C3orf20: variants seen among roughly 807,000 people sequenced by gnomAD.
C3orf20 encodes family with sequence similarity 149 member C.
A neutral mutation model predicts 88.3 loss-of-function variants in C3orf20; 76 were observed. The observed-to-expected ratio is 0.86, with a 90% CI of 0.72 to 1.04. The LOEUF is 1.04. C3orf20 is among the 50% of genes least tolerant of loss of function. C3orf20 has a pLI of 0.00. For synonymous variants in C3orf20, 436 were observed against 437.4 expected, an observed-to-expected ratio of 1.00 and a Z score of 0.04; for missense variants, 1,056 against 1,123.3, an observed-to-expected ratio of 0.94 and a Z score of 0.86.
chr3:14,760,011 GGACT>G lies in C3orf20; in HGVS notation c.2352+14_2352+17del. On this transcript the variant is annotated intron_variant, in intron 14 of 16. Coordinates refer to ENST00000253697, the MANE Select transcript of C3orf20 (RefSeq NM_032137.5). ...GGGGATGATTCTGGTGAGCCAGCAG[GGACT>G]TGCTATCCACTGCCTGCCACCCCAG... 1 of 1,601,542 alleles carries G rather than the reference GGACT, an allele frequency of 6.2e-7. No individual in the cohort carries two copies. Among genetic ancestry groups the G allele is most frequent in the Non-Finnish European group, 8.6e-7 (1 of 1,168,704 alleles).
chr3:14,679,248 G>C (rs1168814169), intron 1 of C3orf20, among the ~76,000 whole-genome samples: 1 of 152,124 alleles, frequency 6.6e-6, no homozygotes, highest in African/African-American at 2.4e-5. Flanking sequence ...AGTCTGCTCT[G>C]CCTGTTCATT....
At chr3:14,703,007 C>CA in intron 5 of C3orf20, 123 bp from the exon 6 acceptor site, 1 of 1,226,352 alleles carries the variant, frequency 8.2e-7, no homozygotes, top group Non-Finnish European at 1.1e-6. Flanking sequence ...TCCAGCGGGA[C>CA]AAATTTTAAA....
chr3:14,677,009 A>G (rs2031807991), intron 1 of C3orf20, among the ~76,000 whole-genome samples: 1 of 152,092 alleles, frequency 6.6e-6, no homozygotes, highest in African/African-American at 2.4e-5. Context: ...GTCCACCTCC[A>G]TTTCTTTTAT....
In C3orf20 at chr3:14,728,500, GA is replaced by G; in HGVS notation, c.1753del (p.Arg585AspfsTer12). 1 of 1,614,202 alleles carries G rather than the reference GA, an allele frequency of 6.2e-7. No homozygotes were observed. Among genetic ancestry groups the G allele is most frequent in the Non-Finnish European group, 8.5e-7 (1 of 1,180,020 alleles). Reference sequence around the variant, plus strand: ...AGGAAGAATTTGTTCGGTTCAAGATGAGATCCAGAACTCATCCCGAGCGGCT... The same window carrying G: ...AGGAAGAATTTGTTCGGTTCAAGATGGATCCAGAACTCATCCCGAGCGGCT... ...EEEEFVRFKM[R>X]SRTHPERLPK... is the part of the protein sequence containing the mutation. On this transcript the variant is annotated frameshift_variant, in exon 12 of 17. Coordinates refer to ENST00000253697, the MANE Select transcript of C3orf20 (RefSeq NM_032137.5). LOFTEE classifies it high-confidence loss of function.
intron 15 of C3orf20, among the ~76,000 whole-genome samples, chr3:14,767,726 CA>C (rs1170115056): frequency 2.0e-5 from 3 of 152,250 alleles, no homozygotes; most frequent in African/African-American, 7.2e-5. Context: ...CCCAAAATCA[CA>C]AAGGGCTTTG....
intron 3 of C3orf20, 78 bp from the exon 4 acceptor site, chr3:14,684,164 C>A: frequency 6.4e-7 from 1 of 1,568,664 alleles, no homozygotes; most frequent in Non-Finnish European, 8.7e-7. Flanking sequence ...CTTTCCTGGG[C>A]CATTTACAGA....
At chr3:14,683,769 A>G (rs1164738227) in intron 3 of C3orf20, among the ~76,000 whole-genome samples, 1 of 151,748 alleles carries the variant, frequency 6.6e-6, no homozygotes, top group Non-Finnish European at 1.5e-5. Context: ...CCAGCTACGC[A>G]GAAGGCCAAG....
intron 1 of C3orf20, among the ~76,000 whole-genome samples, chr3:14,677,446 G>T (rs192069519): frequency 4.9e-4 from 75 of 152,206 alleles, no homozygotes; most frequent in African/African-American, 1.8e-3. Context: ...TGCTGGGTCT[G>T]TGCCTTTTTA....
intron 15 of C3orf20, among the ~76,000 whole-genome samples, chr3:14,770,195 A>G (rs1230171341): frequency 1.3e-5 from 2 of 152,168 alleles, no homozygotes; most frequent in Non-Finnish European, 2.9e-5. Flanking sequence ...AAAGGGCCTC[A>G]GGCAGGCCTC....
rs756786895 is a variant in C3orf20 at position 14,682,886 on chromosome 3, C to G, written c.173C>G (p.Pro58Arg). 12 of 1,614,222 alleles carry G rather than the reference C, an allele frequency of 7.4e-6. No homozygotes were observed. In the South Asian group the frequency reaches 1.2e-4, roughly 16 times the overall value. Residue 58 changes from proline (P) to arginine (R), a missense_variant, in exon 3 of 17, where the codon CCT becomes CGT. Physicochemically the swap from Pro to Arg is moderately radical, Grantham distance 103 (BLOSUM62 -2). Coordinates refer to ENST00000253697, the MANE Select transcript of C3orf20 (RefSeq NM_032137.5). Reference sequence around the variant, plus strand: ...ACTTGGGAAGAGCTCATCAGTGACCCTTCAGTGCCTACCCCGTCCGACATC... The same window carrying G: ...ACTTGGGAAGAGCTCATCAGTGACCGTTCAGTGCCTACCCCGTCCGACATC... The part of the protein sequence containing the change: ...EFTWEELISD[P>R]SVPTPSDILG...
intron 12 of C3orf20, 59 bp downstream of exon 12, chr3:14,728,747 A>G: frequency 1.3e-6 from 2 of 1,570,750 alleles, no homozygotes; most frequent in Admixed American, 1.8e-5. Flanking sequence ...CAGTGGGCAC[A>G]GGATAGTGAA....
At chr3:14,730,526 G>A (rs1267883203) in intron 12 of C3orf20, among the ~76,000 whole-genome samples, 2 of 152,010 alleles carry the variant, frequency 1.3e-5, no homozygotes, top group South Asian at 2.1e-4. Context: ...CAGCCTGGGT[G>A]ACAGAGCGAG....
At chr3:14,702,403 T>C (rs2033308218) in intron 5 of C3orf20, among the ~76,000 whole-genome samples, 1 of 151,282 alleles carries the variant, frequency 6.6e-6, no homozygotes, top group Non-Finnish European at 1.5e-5. Flanking sequence ...CATATCATTC[T>C]GCCCCTGGCT....
intron 12 of C3orf20, among the ~76,000 whole-genome samples, chr3:14,742,398 A>T (rs1406473529): frequency 6.6e-6 from 1 of 152,182 alleles, no homozygotes; most frequent in Non-Finnish European, 1.5e-5. Flanking sequence ...GTACATTGGG[A>T]TGTATGTGAG....
At chr3:14,769,915 A>G (rs188924276) in intron 15 of C3orf20, among the ~76,000 whole-genome samples, 2 of 151,878 alleles carry the variant, frequency 1.3e-5, no homozygotes, top group African/African-American at 4.9e-5. Context: ...CTCAGGGAGG[A>G]GGTGCTCTGG....
chr3:14,698,808 C>A (rs2033122783), intron 5 of C3orf20, among the ~76,000 whole-genome samples: 1 of 152,202 alleles, frequency 6.6e-6, no homozygotes, highest in Non-Finnish European at 1.5e-5. Context: ...CCCTAGGGAT[C>A]TACAATCAGC....
chr3:14,734,250 T>G (rs2034633080), intron 12 of C3orf20, among the ~76,000 whole-genome samples: 3 of 152,100 alleles, frequency 2.0e-5, no homozygotes, highest in African/African-American at 4.8e-5. Flanking sequence ...TCTTTGGGTT[T>G]AATTTTATAT....
chr3:14,722,626 C>A (rs1327791541), intron 10 of C3orf20: 27 of 455,856 alleles, frequency 5.9e-5, no homozygotes, highest in Non-Finnish European at 8.8e-6. Context: ...CCATTCTAGA[C>A]TGCTTTCGTT....
chr3:14,735,040 G>A (rs1205826470), intron 12 of C3orf20, among the ~76,000 whole-genome samples: 1 of 150,726 alleles, frequency 6.6e-6, no homozygotes, highest in Non-Finnish European at 1.5e-5. Context: ...ATCTTTTTTT[G>A]TTTTTTAATT....
Sources: allele counts gnomAD v4.1 joint callset (sites outside exome capture counted in the v4.1 genomes callset), GRCh38; gene constraint gnomAD v4.1.1; transcripts MANE v1.5; gene names NCBI Gene and HGNC (gene_info 2026-07-23, HGNC 2026-07-21).